PPL: variants seen among roughly 807,000 people sequenced by gnomAD.
The protein encoded by PPL is periplakin, also known as 190 kDa paraneoplastic pemphigus antigen.
A neutral mutation model predicts 194.4 loss-of-function variants in PPL; 198 were observed. The ratio of observed to expected loss-of-function variants is 1.02; its 90% CI spans 0.91 to 1.15. PPL has a LOEUF of 1.15. PPL is among the 50% of genes most tolerant of loss of function. The probability of loss-of-function intolerance (pLI) is 0.00; values close to 1 mark genes in which losing one functional copy is unlikely to be tolerated. For missense variants in PPL, 2,885 were observed against 2,294.8 expected (o/e 1.26, Z -5.25); for synonymous variants, 1,220 against 972.4 (o/e 1.25, Z -4.74).
Position 4,883,902 on chromosome 16 carries a change from C to G in PPL, c.4753G>C (p.Glu1585Gln), listed in dbSNP as rs747721467. The change falls in exon 22 of 22, where the codon GAA becomes CAA. Residue 1585 changes from glutamate to glutamine, a missense_variant. Physicochemically the swap from Glu to Gln is conservative, Grantham distance 29. Transcript: ENST00000345988. This position sits in a 1 kb window ranked among gnomAD's most constrained non-coding sequence, Gnocchi z 4.8. The stretch of plus-strand genomic sequence containing the variant: ...GTTTCCGTCGCTGCCATGTTGATTT[C>G]CGATTGGAGCCTTCGGGTCTCCAGC... ...LQLETRRLQS[E>Q]INMAATETRD... is the part of the protein sequence containing the mutation. The G allele has an allele frequency of 6.2e-7, 1 of 1,613,988 alleles. No homozygotes were observed. Among genetic ancestry groups the G allele is most frequent in the Admixed American group, 1.7e-5 (1 of 60,006 alleles).
chr16:4,885,019 G>T lies in PPL; in HGVS notation c.3636C>A (p.Tyr1212Ter), dbSNP rs779759226. 1.7e-5 allele frequency: 27 copies of T among 1,613,664 alleles called. No homozygotes were observed. The highest frequency in any genetic ancestry group is 2.3e-5 in the Non-Finnish European group (27 of 1,179,970). Residue 1212 changes from tyrosine to a stop codon, truncating the protein, a stop_gained, in exon 22 of 22, where the codon TAC becomes TAA. Transcript: ENST00000345988. LOFTEE classifies it high-confidence loss of function. This position sits in a 1 kb window ranked among gnomAD's most constrained non-coding sequence, Gnocchi z 6.3. ...TCCTGAGGGCCTCCAGCTCACTCTGGTAGCTCCGGAGCTGCTCCTCGGCAC... is the reference window on the plus strand; with the variant it reads ...TCCTGAGGGCCTCCAGCTCACTCTGTTAGCTCCGGAGCTGCTCCTCGGCAC... The part of the protein sequence containing the change: ...YRGAEEQLRS[Y>*]QSELEALRRR...
At position 4,884,155 on chromosome 16, in the gene PPL, C is replaced by T; in HGVS notation, c.4500G>A (p.Val1500=). The change falls in exon 22 of 22, where the codon GTG becomes GTA. Residue 1500 remains valine (V), a synonymous_variant. Coordinates refer to ENST00000345988, the MANE Select transcript of PPL (RefSeq NM_002705.5). The surrounding 1 kb of genome is among the most constrained non-coding windows in gnomAD (Gnocchi z 5.7). The part of the protein sequence containing the change: ...LEKAEVKEKV[V]LSESVQVEKG... ...TCTCCACCTGGACACTCTCGGAGAG[C>T]ACCACCTTCTCCTTGACCTCCGCCT... 6.2e-6 allele frequency: 10 copies of T among 1,613,884 alleles called. No individual in the cohort carries two copies. Among genetic ancestry groups the T allele is most frequent in the Non-Finnish European group, 7.6e-6 (9 of 1,180,018 alleles).
At position 4,902,312 on chromosome 16, in the gene PPL, C is replaced by T. The variant is rs992094583; in HGVS notation, c.438+94G>A. The T allele has an allele frequency of 2.4e-4, 368 of 1,542,076 alleles. No homozygotes were observed. The highest frequency in any genetic ancestry group is 6.8e-5 in the East Asian group (3 of 43,802). On this transcript the variant is annotated intron_variant, in intron 4 of 21. Coordinates refer to ENST00000345988, the MANE Select transcript of PPL (RefSeq NM_002705.5). The surrounding 1 kb of genome is among the most constrained non-coding windows in gnomAD (Gnocchi z 4.0). ...CCACGACTGTCTCCCTGGTAAGACC[C>T]GGGATGCCCATTACATGGGTAGGCT...
At chr16:4,918,950 C>A (rs983399674) in intron 1 of PPL, among the ~76,000 whole-genome samples, 10 of 152,160 alleles carry the variant, frequency 6.6e-5, no homozygotes, top group Admixed American at 6.5e-4. Flanking sequence ...GGCAGCCAGA[C>A]GTGGCACCCC....
At chr16:4,895,569 G>T in intron 10 of PPL, 25 bp downstream of exon 10, 3 of 1,613,508 alleles carry the variant, frequency 1.9e-6, no homozygotes, top group Non-Finnish European at 2.5e-6. Flanking sequence ...CCCCGGGCCA[G>T]CAGGGGTCCT....
intron 1 of PPL, among the ~76,000 whole-genome samples, chr16:4,916,562 G>C (rs549130241): frequency 6.6e-6 from 1 of 152,214 alleles, no homozygotes; most frequent in African/African-American, 2.4e-5. Flanking sequence ...CTGGACTGCA[G>C]TGGTGCAATC....
Position 4,899,299 on chromosome 16 carries a change from T to C in PPL, c.692A>G (p.Gln231Arg). 1.9e-6 allele frequency: 3 copies of C among 1,613,762 alleles called. No homozygotes were observed. The highest frequency in any genetic ancestry group is 2.5e-6 in the Non-Finnish European group (3 of 1,180,000). Residue 231 changes from glutamine to arginine, a missense_variant, in exon 7 of 22, where the codon CAG becomes CGG. Transcript: ENST00000345988. ...GTACTGCATGCGGCCCTTGGCCTGCTGGTCCAGCCAGTACAGCTCATTGGT... is the reference window on the plus strand; with the variant it reads ...GTACTGCATGCGGCCCTTGGCCTGCCGGTCCAGCCAGTACAGCTCATTGGT... The part of the protein sequence containing the change: ...RCTNELYWLD[Q>R]QAKGRMQYDW...
chr16:4,911,014 G>T (rs1344871478), intron 1 of PPL, 65 bp from the exon 2 acceptor site: 4 of 1,328,898 alleles, frequency 3.0e-6, no homozygotes, highest in Non-Finnish European at 4.2e-6. Flanking sequence ...GTCCCCACCA[G>T]CACCCCATCC....
At chr16:4,904,899 G>A (rs1012840697) in intron 2 of PPL, among the ~76,000 whole-genome samples, 5 of 152,202 alleles carry the variant, frequency 3.3e-5, no homozygotes, top group African/African-American at 1.2e-4. Context: ...TATCTGGAAG[G>A]GGCCGTCGAT....
At chr16:4,929,096 G>T (rs2142426170) in intron 1 of PPL, among the ~76,000 whole-genome samples, 1 of 149,478 alleles carries the variant, frequency 6.7e-6, no homozygotes, top group Middle Eastern at 3.4e-3. Flanking sequence ...GCCTCACTTG[G>T]AACGAGAGCT....
chr16:4,883,874 C>G lies in PPL; in HGVS notation c.4781G>C (p.Arg1594Pro). 2 of 1,614,022 alleles carry G rather than the reference C, an allele frequency of 1.2e-6. No individual in the cohort carries two copies. Among genetic ancestry groups the G allele is most frequent in the Non-Finnish European group, 1.7e-6 (2 of 1,180,042 alleles). Residue 1594 changes from arginine (R) to proline (P), a missense_variant, in exon 22 of 22, where the codon CGA becomes CCA. Transcript: ENST00000345988. The surrounding 1 kb of genome is among the most constrained non-coding windows in gnomAD (Gnocchi z 4.8). ...CGCCACGGTCATGTTCCGCAGGTCTCGTGTTTCCGTCGCTGCCATGTTGAT... is the reference window on the plus strand; with the variant it reads ...CGCCACGGTCATGTTCCGCAGGTCTGGTGTTTCCGTCGCTGCCATGTTGAT... ...SEINMAATET[R>P]DLRNMTVADS...
At chr16:4,936,918 C>T in intron 1 of PPL, 66 bp downstream of exon 1, 3 of 1,493,192 alleles carry the variant, frequency 2.0e-6, no homozygotes, top group Non-Finnish European at 2.7e-6. Context: ...CCCGGGAGGT[C>T]TTCCAGGTCC....
intron 8 of PPL, among the ~76,000 whole-genome samples, chr16:4,898,452 A>C (rs1206966552): frequency 6.6e-6 from 1 of 152,214 alleles, no homozygotes; most frequent in Non-Finnish European, 1.5e-5. Flanking sequence ...TGCAGATGTC[A>C]TTAGTTAAGG....
chr16:4,907,898 G>T (rs1433810300), intron 2 of PPL, among the ~76,000 whole-genome samples: 1 of 152,132 alleles, frequency 6.6e-6, no homozygotes, highest in Non-Finnish European at 1.5e-5. Flanking sequence ...GCTCACACCT[G>T]TAATCCCAGC....
At chr16:4,901,168 G>A in intron 4 of PPL, 79 bp from the exon 5 acceptor site, 1 of 1,508,222 alleles carries the variant, frequency 6.6e-7, no homozygotes, top group Non-Finnish European at 9.0e-7. Flanking sequence ...GGAGCCTCGG[G>A]GGTGGGCATG....
chr16:4,910,023 A>G (rs549720955), intron 2 of PPL, among the ~76,000 whole-genome samples: 23 of 152,274 alleles, frequency 1.5e-4, no homozygotes, highest in Non-Finnish European at 3.1e-4. Flanking sequence ...GCTCCAGGGT[A>G]CAAAACAGGC....
chr16:4,904,711 A>T (rs62036153), intron 2 of PPL, among the ~76,000 whole-genome samples: 23,420 of 152,050 alleles, frequency 0.15, 1,949 homozygotes, highest in Non-Finnish European at 0.18. Flanking sequence ...AGCAGCTAGA[A>T]CACACAATGG....
chr16:4,897,491 G>T (rs1417678409), intron 9 of PPL, among the ~76,000 whole-genome samples, 184 bp downstream of exon 9: 1 of 152,152 alleles, frequency 6.6e-6, no homozygotes, highest in African/African-American at 2.4e-5. Context: ...TTGGACAGGG[G>T]CCGGCAAGCT....
At chr16:4,920,882 C>T (rs1445734629) in intron 1 of PPL, among the ~76,000 whole-genome samples, 1 of 152,192 alleles carries the variant, frequency 6.6e-6, no homozygotes, top group Non-Finnish European at 1.5e-5. Flanking sequence ...GGATTACAGG[C>T]ATGAGCCCAC....
Sources: gnomAD v4.1 joint callset for allele counts (sites outside exome capture counted in the v4.1 genomes callset) on GRCh38, gnomAD v4.1.1 for gene constraint, Gnocchi (gnomAD v3.1) non-coding constraint, MANE v1.5 for transcripts, NCBI Gene and HGNC (gene_info 2026-07-23, HGNC 2026-07-21) for gene names.